Variants in CFAP44 observed in about 807,000 individuals in gnomAD.
The protein encoded by CFAP44 is cilia- and flagella-associated protein 44.
Under a neutral mutation model 216.2 loss-of-function variants are expected in CFAP44, and 134 were observed. The observed-to-expected ratio is 0.62, with a 90% CI of 0.54 to 0.72. The LOEUF is 0.72. CFAP44 is among the 30% of genes least tolerant of loss of function. The probability of loss-of-function intolerance (pLI) is 0.00; values close to 1 mark genes in which losing one functional copy is unlikely to be tolerated. For missense variants in CFAP44, 2,035 were observed against 2,182.1 expected, an observed-to-expected ratio of 0.93 and a Z score of 1.34; for synonymous variants, 700 against 727.6, an observed-to-expected ratio of 0.96 and a Z score of 0.61.
chr3:113,307,564 A>T (rs1949998214), intron 29 of CFAP44, among the ~76,000 whole-genome samples: 2 of 152,236 alleles, frequency 1.3e-5, no homozygotes, highest in African/African-American at 4.8e-5. Flanking sequence ...GTCTTTCTCC[A>T]CTAGACTATA....
chr3:113,404,037 A>G (rs1934210989), intron 8 of CFAP44, 21 bp from the exon 9 acceptor site: 3 of 1,606,164 alleles, frequency 1.9e-6, no homozygotes, highest in Non-Finnish European at 2.6e-6. Flanking sequence ...TGTGGAAAAA[A>G]GAAATGTGCA....
At position 113,423,105 on chromosome 3, in the gene CFAP44, C is replaced by CTTTTT. The variant is rs72395986; in HGVS notation, c.408-2931_408-2927dup. On this transcript the variant is annotated intron_variant, in intron 4 of 34. Coordinates refer to ENST00000393845, the MANE Select transcript of CFAP44 (RefSeq NM_001164496.2). ...GTGCATAACTGGAATCTGATCCTTCCTTTTTTTTTTTTTTTTTTTTTTTTT... is the reference window on the plus strand; with the variant it reads ...GTGCATAACTGGAATCTGATCCTTCCTTTTTTTTTTTTTTTTTTTTTTTTTTTTTT... Among the ~76,000 whole-genome samples the CTTTTT allele has an allele frequency of 4.9e-3, 384 of 79,162 alleles. 2 individuals are homozygous for CTTTTT. The highest frequency in any genetic ancestry group is 9.1e-3 in the East Asian group (22 of 2,410). 51.9% of individuals were successfully genotyped at this position (79,162 alleles called of 152,430 possible). A position where few individuals can be genotyped will look rare whatever the true frequency, so the allele number is the denominator to read the frequency against.
intron 15 of CFAP44, among the ~76,000 whole-genome samples, chr3:113,388,113 C>T (rs1273004162): frequency 2.6e-5 from 4 of 152,156 alleles, no homozygotes; most frequent in Non-Finnish European, 4.4e-5. Flanking sequence ...CTGACGATCT[C>T]ACCACCCTGA....
chr3:113,329,159 T>C (rs575799939), intron 26 of CFAP44, among the ~76,000 whole-genome samples: 1 of 152,314 alleles, frequency 6.6e-6, no homozygotes, highest in African/African-American at 2.4e-5. Context: ...TTCAAGACAA[T>C]ACTAATACCC....
chr3:113,347,984 T>C (rs1295417646), intron 22 of CFAP44, among the ~76,000 whole-genome samples: 6 of 152,122 alleles, frequency 3.9e-5, no homozygotes, highest in Non-Finnish European at 8.8e-5. Context: ...AAGAATGCAT[T>C]GGTAAGGGCC....
At chr3:113,362,708 T>C in intron 21 of CFAP44, 1 of 323,380 alleles carries the variant, frequency 3.1e-6, no homozygotes, top group Non-Finnish European at 5.9e-6. Context: ...AGTCTTCCGA[T>C]AGCAATACCA....
intron 18 of CFAP44, among the ~76,000 whole-genome samples, chr3:113,372,351 T>G (rs898878185): frequency 6.6e-6 from 1 of 152,222 alleles, no homozygotes; most frequent in Non-Finnish European, 1.5e-5. Context: ...AATGATAGAC[T>G]GGATTAAGAA....
At chr3:113,346,580 G>T (rs1391591810) in intron 22 of CFAP44, among the ~76,000 whole-genome samples, 1 of 151,232 alleles carries the variant, frequency 6.6e-6, no homozygotes, top group African/African-American at 2.4e-5. Flanking sequence ...AGCACTCTGG[G>T]TCTAGCTACA....
chr3:113,333,752 C>T (rs370800616), intron 24 of CFAP44, among the ~76,000 whole-genome samples, 169 bp from the exon 25 acceptor site: 4 of 152,176 alleles, frequency 2.6e-5, no homozygotes, highest in African/African-American at 9.6e-5. Flanking sequence ...AAGTCAATTA[C>T]TATTTTTAAA....
At position 113,366,044 on chromosome 3, in the gene CFAP44, G is replaced by C; in HGVS notation, c.2710C>G (p.Pro904Ala). 1 of 1,608,152 alleles carries C rather than the reference G, an allele frequency of 6.2e-7. No homozygotes were observed. The highest frequency in any genetic ancestry group is 8.5e-7 in the Non-Finnish European group (1 of 1,176,132). Residue 904 changes from proline (P) to alanine (A), a missense_variant, in exon 19 of 35, where the codon CCC (proline) becomes GCC (alanine). Physicochemically the swap from Pro to Ala is conservative, Grantham distance 27 (BLOSUM62 -1). Transcript: ENST00000393845. Reference sequence around the variant, plus strand: ...CTGGTTAATTAATTACATACCCTGGGAGATGGAACTTTGGCCTTCATGTCT... The same window carrying C: ...CTGGTTAATTAATTACATACCCTGGCAGATGGAACTTTGGCCTTCATGTCT... ...RKDMKAKVPSPRFGIETEPIP... is the reference protein window; with the variant it reads ...RKDMKAKVPSARFGIETEPIP...
intron 30 of CFAP44, among the ~76,000 whole-genome samples, chr3:113,305,479 G>A (rs908293070): frequency 1.3e-5 from 2 of 152,124 alleles, no homozygotes; most frequent in African/African-American, 4.8e-5. Context: ...TTGACAGAAT[G>A]GTGGGAGTCT....
At chr3:113,360,216 T>A (rs142546092) in intron 21 of CFAP44, 2 of 155,178 alleles carry the variant, frequency 1.3e-5, no homozygotes, top group East Asian at 3.8e-4. Context: ...ACTGGCCAGA[T>A]AAAAAGAAGC....
intron 6 of CFAP44, among the ~76,000 whole-genome samples, chr3:113,414,676 A>G (rs560569485): frequency 7.3e-4 from 111 of 152,254 alleles, no homozygotes; most frequent in Non-Finnish European, 1.4e-3. Flanking sequence ...TGATCTGTGT[A>G]TGTTGAACCA....
chr3:113,433,458 A>AAAAAAAAAAAAATT, intron 2 of CFAP44, 107 bp downstream of exon 2: 1 of 295,860 alleles, frequency 3.4e-6, no homozygotes, highest in Non-Finnish European at 6.2e-6. Flanking sequence ...AAAAAAAAAG[A>AAAAAAAAAAAAATT]TCTATTTTAT....
Position 113,416,572 on chromosome 3 carries a change from A to G in CFAP44, c.626T>C (p.Ile209Thr), listed in dbSNP as rs1290954920. 2 of 1,612,632 alleles carry G rather than the reference A, an allele frequency of 1.2e-6. No homozygotes were observed. Among genetic ancestry groups the G allele is most frequent in the East Asian group, 2.2e-5 (1 of 44,786 alleles). Residue 209 changes from isoleucine (I) to threonine (T), a missense_variant, in exon 6 of 35, where the codon ATT (isoleucine) becomes ACT (threonine). By Grantham distance (89) the Ile-to-Thr change is moderately conservative. This residue lies in a region of CFAP44 where 1,883 missense variants were observed against 2,023.7 expected (regional missense o/e 0.93). Transcript: ENST00000393845. ...CAGAGAAGGATATTCATAGATGATA[A>G]TATCTGGAAAACTCCCTTTTTCAGC... The part of the protein sequence containing the change: ...TVAEKGSFPD[I>T]IIYEYPSLRP...
intron 2 of CFAP44, among the ~76,000 whole-genome samples, chr3:113,433,065 C>T (rs1366871758): frequency 6.6e-6 from 1 of 151,962 alleles, no homozygotes; most frequent in Non-Finnish European, 1.5e-5. Context: ...ATATGTAGTC[C>T]TTTTTCTTTG....
At chr3:113,292,069 A>G (rs1457397598) in intron 34 of CFAP44, among the ~76,000 whole-genome samples, 1 of 152,152 alleles carries the variant, frequency 6.6e-6, no homozygotes, top group Non-Finnish European at 1.5e-5. Flanking sequence ...TGGACAGCCC[A>G]TATTTGGGTT....
rs1415000983 is a variant in CFAP44, at chr3:113,433,673, T to G, written c.-5-4A>C. ...TCATCTGGTTCCTTCATTTCCTCTG[T>G]AAGTACAAAATGGGGATGAGATATG... On this transcript the variant is annotated splice_region_variant and splice_polypyrimidine_tract_variant and intron_variant, in intron 1 of 34. Transcript: ENST00000393845. 1 of 1,606,264 alleles carries G rather than the reference T, an allele frequency of 6.2e-7. No homozygotes were observed. Among genetic ancestry groups the G allele is most frequent in the South Asian group, 1.1e-5 (1 of 90,936 alleles).
intron 22 of CFAP44, among the ~76,000 whole-genome samples, chr3:113,350,674 C>T (rs567215523): frequency 6.6e-6 from 1 of 152,350 alleles, no homozygotes; most frequent in African/African-American, 2.4e-5. Flanking sequence ...CAGTGGCCCA[C>T]AGATGGCCCA....
Sources: gnomAD v4.1 joint callset for allele counts (sites outside exome capture counted in the v4.1 genomes callset) on GRCh38, gnomAD v4.1.1 for gene constraint, gnomAD v4.1.1 regional missense constraint, MANE v1.5 for transcripts, NCBI Gene and HGNC (gene_info 2026-07-23, HGNC 2026-07-21) for gene names.